Variants in ZNF718 observed in about 807,000 individuals in gnomAD.
ZNF718 encodes zinc finger protein 718.
ZNF718 carries 3 observed loss-of-function variants against 2.6 expected under a neutral mutation model. The ratio of observed to expected loss-of-function variants is 1.16; its 90% confidence interval spans 0.53 to 3.01. The LOEUF (loss-of-function observed/expected upper bound fraction) is 3.01. Ranked by LOEUF, ZNF718 falls within the 30% of genes most tolerant of loss-of-function variation. ZNF718 has a pLI of 0.03. For synonymous variants in ZNF718, 135 were observed against 77.9 expected (o/e 1.73, Z -3.86); for missense variants, 468 against 230.0 (o/e 2.03, Z -6.69).
At position 169,999 on chromosome 4, in the gene ZNF718, C is replaced by G. The variant is rs576739713; in HGVS notation, c.227-31082C>G. Among the ~76,000 whole-genome samples, 3 of 152,266 alleles carry G rather than the reference C, an allele frequency of 2.0e-5. No homozygotes were observed. In the East Asian group the frequency reaches 5.8e-4, roughly 29 times the overall value. On this transcript the variant is annotated intron_variant and NMD_transcript_variant, in intron 3 of 4. Coordinates refer to the ZNF718 transcript ENST00000642529. ...TGTGGCTGGTACCAGTTATTCCTTT[C>G]CATTTTTAGTGCTTCCTTCAGGAGC...
chr4:190,444 A>G (rs1046068307), intron 3 of ZNF718, among the ~76,000 whole-genome samples: 9 of 151,754 alleles, frequency 5.9e-5, no homozygotes, highest in Non-Finnish European at 1.0e-4. Context: ...AAAAAAAAAA[A>G]AAGAAGTTTT....
intron 1 of ZNF718, among the ~76,000 whole-genome samples, chr4:126,683 C>CTAA (rs140823222): frequency 0.76 from 115,439 of 151,764 alleles, 44,223 homozygotes; most frequent in East Asian, 0.96. Context: ...TACTTAAGAA[C>CTAA]TAATGGTGAC....
chr4:195,024 C>T (rs1289336027), intron 3 of ZNF718, among the ~76,000 whole-genome samples: 1 of 152,110 alleles, frequency 6.6e-6, no homozygotes, highest in East Asian at 1.9e-4. Flanking sequence ...GAAAGGGGTC[C>T]AGGCTGCTGG....
chr4:166,536 G>A (rs1359395310), downstream of ZNF718, among the ~76,000 whole-genome samples: 5 of 152,188 alleles, frequency 3.3e-5, no homozygotes, highest in South Asian at 4.1e-4. Context: ...TTTAATGATC[G>A]CCATTCTAAC....
chr4:139,422 A>G (rs782152523), intron 3 of ZNF718, among the ~76,000 whole-genome samples: 2 of 152,178 alleles, frequency 1.3e-5, no homozygotes, highest in African/African-American at 2.4e-5. Flanking sequence ...GGAGGCAGAA[A>G]ACATAAGACC....
intron 3 of ZNF718, among the ~76,000 whole-genome samples, chr4:139,688 C>T (rs1715726116): frequency 6.6e-6 from 1 of 152,226 alleles, no homozygotes; most frequent in African/African-American, 2.4e-5. Flanking sequence ...GACCTGGACA[C>T]CTACAACTGG....
At chr4:124,493 T>G (rs3747693), upstream of ZNF718, 143,803 of 778,458 alleles carry the variant, frequency 0.18, 14,163 homozygotes, top group Admixed American at 0.27. Flanking sequence ...GCATCCGGGA[T>G]CTGGCGCGGC....
At position 132,344 on chromosome 4, in the gene ZNF718, T is replaced by A. The variant is rs1259956042; in HGVS notation, c.226+839T>A. On this transcript the variant is annotated intron_variant, in intron 3 of 3. Transcript: ENST00000510175. ...ATGCTCTTAAATCTAAGAATTCTGT[T>A]TTTCCTTTAGTGATCTCCCTTCAAG... 5.8e-5 allele frequency among the ~76,000 whole-genome samples: 6 copies of A among 104,182 alleles called. 3 individuals carry two copies. The highest frequency in any genetic ancestry group is 1.3e-4 in the Non-Finnish European group (6 of 46,726). 68.3% of individuals were successfully genotyped at this position (104,182 alleles called of 152,430 possible).
intron 3 of ZNF718, among the ~76,000 whole-genome samples, chr4:169,913 T>C (rs1553817655): frequency 1.3e-5 from 2 of 151,700 alleles, no homozygotes; most frequent in African/African-American, 4.8e-5. Flanking sequence ...GTTATTTTGC[T>C]CATCAGTTGA....
At chr4:166,559 G>C (rs1472560881), downstream of ZNF718, among the ~76,000 whole-genome samples, 1 of 152,146 alleles carries the variant, frequency 6.6e-6, no homozygotes, top group African/African-American at 2.4e-5. Flanking sequence ...GTGTGAGGTG[G>C]TATCTCATTG....
intron 3 of ZNF718, among the ~76,000 whole-genome samples, chr4:194,491 T>C (rs1397189000): frequency 6.6e-6 from 1 of 152,236 alleles, no homozygotes; most frequent in Admixed American, 6.5e-5. Flanking sequence ...TGGGGAATTG[T>C]TCTTTTTCCT....
intron 3 of ZNF718, among the ~76,000 whole-genome samples, chr4:175,306 T>C (rs1351248647): frequency 2.0e-5 from 3 of 152,198 alleles, no homozygotes; most frequent in African/African-American, 4.8e-5. Flanking sequence ...TTTACTGTCA[T>C]ACTTTCTACT....
At chr4:154,482 G>A (rs957220807) in intron 3 of ZNF718, among the ~76,000 whole-genome samples, 3 of 152,310 alleles carry the variant, frequency 2.0e-5, no homozygotes, top group Non-Finnish European at 4.4e-5. Flanking sequence ...ATGAAATCCA[G>A]TCCAAGGTGC....
chr4:134,284 C>T (rs905629174), intron 3 of ZNF718, among the ~76,000 whole-genome samples: 9 of 152,074 alleles, frequency 5.9e-5, no homozygotes, highest in Non-Finnish European at 1.3e-4. Context: ...GTAGCTGGGA[C>T]TACAGGTGCC....
At position 162,171 on chromosome 4, in the gene ZNF718, T is replaced by C. The variant is rs782554161; in HGVS notation, c.*49T>C. ...TTAAGTCTTCCTCAGTCTTTTCTAA[T>C]CATAATTCATACTGGAGAGAAACTC... is the stretch of plus-strand genomic sequence containing the variant. On this transcript the variant is annotated 3_prime_UTR_variant, in exon 4 of 4. Transcript: ENST00000510175. 10 of 631,972 alleles carry C rather than the reference T, an allele frequency of 1.6e-5. No individual in the cohort carries two copies. The highest frequency in any genetic ancestry group is 1.5e-4 in the African/African-American group (8 of 54,966). The allele number at this position is 631,972 out of a possible 1,614,324, so 39.1% of individuals were successfully genotyped here.
exon 5 of ZNF718, chr4:201,689 A>T (rs570796430): frequency 5.4e-6 from 1 of 186,462 alleles, no homozygotes; most frequent in South Asian, 1.2e-4. Context: ...TTCTCTCTGG[A>T]TCTGGATGAA....
At chr4:202,190 C>G (rs1553822878) in exon 5 of ZNF718, 1 of 152,230 alleles carries the variant, frequency 6.6e-6, no homozygotes, top group African/African-American at 2.4e-5. Flanking sequence ...ACTTGCTTCT[C>G]TCATTCTCTC....
chr4:169,874 A>G (rs1272026489), intron 3 of ZNF718, among the ~76,000 whole-genome samples: 1 of 151,862 alleles, frequency 6.6e-6, no homozygotes, highest in African/African-American at 2.4e-5. Flanking sequence ...TTATGTGTGA[A>G]TTTGATCCTG....
At chr4:168,145 A>G (rs1280480371), downstream of ZNF718, among the ~76,000 whole-genome samples, 1 of 152,106 alleles carries the variant, frequency 6.6e-6, no homozygotes, top group Non-Finnish European at 1.5e-5. Context: ...TAGATGCTGG[A>G]TTACGTTTAT....
Sources: gnomAD v4.1 joint callset for allele counts (sites outside exome capture counted in the v4.1 genomes callset) on GRCh38, gnomAD v4.1.1 for gene constraint, MANE v1.5 for transcripts, NCBI Gene and HGNC (gene_info 2026-07-23, HGNC 2026-07-21) for gene names.